The following L2HGDH variants were observed in gnomAD, a reference collection of about 807,000 sequenced individuals.
L2HGDH encodes the protein L-2-hydroxyglutarate dehydrogenase, also known as L-2-hydroxyglutarate dehydrogenase, mitochondrial.
In L2HGDH, 34 loss-of-function variants were observed where a neutral mutation model predicts 51.5. That is an observed-to-expected ratio of 0.66 (90% CI 0.50 to 0.88). The LOEUF is 0.88. Among genes scored for constraint, L2HGDH ranks in the 40% least tolerant of loss-of-function variants. The pLI, the probability that L2HGDH is intolerant of heterozygous loss-of-function variation, is 0.00. For synonymous variants in L2HGDH, 198 were observed against 197.9 expected, an observed-to-expected ratio of 1.00 and a Z score of -0.01; for missense variants, 558 against 571.9, an observed-to-expected ratio of 0.98 and a Z score of 0.25.
At chr14:50,308,901 G>A (rs1457429054) in intron 1 of L2HGDH, among the ~76,000 whole-genome samples, 2 of 152,176 alleles carry the variant, frequency 1.3e-5, no homozygotes, top group East Asian at 1.9e-4. Context: ...AAATTGTGAT[G>A]TATCCATACC....
At chr14:50,257,536 A>G (rs1024287076) in intron 9 of L2HGDH, among the ~76,000 whole-genome samples, 7 of 151,914 alleles carry the variant, frequency 4.6e-5, no homozygotes, top group Admixed American at 6.6e-5. Context: ...TACCTGGTTA[A>G]TTTTTAAAAC....
intron 3 of L2HGDH, among the ~76,000 whole-genome samples, chr14:50,301,173 T>C (rs891047254): frequency 6.6e-6 from 1 of 152,040 alleles, no homozygotes; most frequent in Non-Finnish European, 1.5e-5. Context: ...CAAACCAAAA[T>C]AGATGTTGGC....
intron 6 of L2HGDH, among the ~76,000 whole-genome samples, chr14:50,275,085 T>A (rs778976392): frequency 6.6e-6 from 1 of 152,160 alleles, no homozygotes; most frequent in African/African-American, 2.4e-5. Flanking sequence ...TAATACTGTA[T>A]GGTATACTTG....
chr14:50,269,283 G>A lies in L2HGDH; in HGVS notation c.786C>T (p.Tyr262=). The A allele has an allele frequency of 1.9e-6, 3 of 1,614,070 alleles. No homozygotes were observed. The highest frequency in any genetic ancestry group is 2.5e-6 in the Non-Finnish European group (3 of 1,179,986). Residue 262 remains tyrosine, a synonymous_variant, in exon 7 of 10, where the codon TAC becomes TAT. Coordinates refer to ENST00000267436, the MANE Select transcript of L2HGDH (RefSeq NM_024884.3). ...CACTCAACTCTGAAATACGGTCTGA[G>A]TAAAGTCCTGCACATGTCACAACAT... ...CQYVVTCAGL[Y]SDRISELSGC... is the part of the protein sequence containing the mutation.
intron 3 of L2HGDH, among the ~76,000 whole-genome samples, chr14:50,295,667 C>T (rs1268525058): frequency 6.7e-6 from 1 of 150,214 alleles, no homozygotes; most frequent in East Asian, 1.9e-4. Flanking sequence ...AGCAATCTAC[C>T]CACCTCGGCC....
chr14:50,294,134 T>G lies in L2HGDH; in HGVS notation c.521A>C (p.Lys174Thr). Residue 174 changes from lysine to threonine, a missense_variant, in exon 4 of 10, where the codon AAG (lysine) becomes ACG (threonine). By Grantham distance (78) the Lys-to-Thr change is moderately conservative. Transcript: ENST00000267436. The stretch of plus-strand genomic sequence containing the variant: ...ACTTACCCTACAATATGGCTCCTTC[T>G]TTTTTATATCCTCCTGCTGGATCAG... Reference protein sequence around the residue: ...LRLIQQEDIKKKEPYCRGLMA... With the variant: ...LRLIQQEDIKTKEPYCRGLMA... The G allele has an allele frequency of 6.2e-7, 1 of 1,613,966 alleles. No individual in the cohort carries two copies. Among genetic ancestry groups the G allele is most frequent in the Non-Finnish European group, 8.5e-7 (1 of 1,179,884 alleles).
At chr14:50,293,248 G>A (rs1169788718) in intron 4 of L2HGDH, 4 of 702,188 alleles carry the variant, frequency 5.7e-6, no homozygotes, top group East Asian at 2.7e-5. Flanking sequence ...GGAAAATAAT[G>A]GTTTTTTGAT....
chr14:50,288,526 G>A (rs1410303066), intron 4 of L2HGDH, among the ~76,000 whole-genome samples: 1 of 152,136 alleles, frequency 6.6e-6, no homozygotes, highest in Non-Finnish European at 1.5e-5. Flanking sequence ...TGCCTCCCTG[G>A]TTCAAGCGAT....
intron 3 of L2HGDH, among the ~76,000 whole-genome samples, chr14:50,298,561 G>A (rs1389745944): frequency 1.3e-5 from 2 of 152,044 alleles, no homozygotes; most frequent in Non-Finnish European, 1.5e-5. Flanking sequence ...GTGATCCCCC[G>A]CCTCAGCCTC....
In L2HGDH at chr14:50,312,091, G is replaced by A. The variant is rs1210324318; in HGVS notation, c.60C>T (p.Ala20=). The A allele has an allele frequency of 1.2e-6, 2 of 1,607,144 alleles. No individual in the cohort carries two copies. The highest frequency in any genetic ancestry group is 1.7e-6 in the Non-Finnish European group (2 of 1,177,774). ...ACCCGCACGCCCCAGGGGAGCCACCGGCGAAAAGCCCGCGGGCCCGTCCGC... is the reference window on the plus strand; with the variant it reads ...ACCCGCACGCCCCAGGGGAGCCACCAGCGAAAAGCCCGCGGGCCCGTCCGC... ...GACGRARGLF[A]GGSPGACGFA... The change falls in exon 1 of 10, where the codon GCC becomes GCT. Residue 20 remains alanine, a synonymous_variant. Transcript: ENST00000267436.
At chr14:50,266,431 C>A (rs1269210196) in intron 8 of L2HGDH, among the ~76,000 whole-genome samples, 2 of 152,042 alleles carry the variant, frequency 1.3e-5, no homozygotes, top group Non-Finnish European at 2.9e-5. Context: ...TTGCTTGAGC[C>A]CAGGAGTTCG....
At chr14:50,249,330 CA>C (rs1455422465) in intron 9 of L2HGDH, among the ~76,000 whole-genome samples, 1 of 152,172 alleles carries the variant, frequency 6.6e-6, no homozygotes, top group Non-Finnish European at 1.5e-5. Flanking sequence ...TACCAGCCGG[CA>C]TAGCTAAAAG....
Position 50,242,939 on chromosome 14 carries a change from A to G in L2HGDH, c.*4119T>C. 3.0e-6 allele frequency: 3 copies of G among 985,490 alleles called. No homozygotes were observed. The highest frequency in any genetic ancestry group is 3.6e-6 in the Non-Finnish European group (3 of 829,958). 61.0% of individuals were successfully genotyped at this position (985,490 alleles called of 1,614,324 possible). ...GTGTTTACAGGGATAGCTCATAGGT[A>G]CAGCCATCAGGGTTGGATTGCCTCC... is the stretch of plus-strand genomic sequence containing the variant. On this transcript the variant is annotated 3_prime_UTR_variant, in exon 10 of 10. Transcript: ENST00000267436.
At chr14:50,250,250 G>GGC (rs1888269434) in intron 9 of L2HGDH, among the ~76,000 whole-genome samples, 1 of 152,206 alleles carries the variant, frequency 6.6e-6, no homozygotes, top group Non-Finnish European at 1.5e-5. Context: ...TGGGCCAGAG[G>GGC]GGAGCCCACT....
rs571218328 is a variant in L2HGDH, at chr14:50,289,423, TAC to T, written c.540+4690_540+4691del. 2.9e-3 allele frequency among the ~76,000 whole-genome samples: 435 copies of T among 152,324 alleles called. 1 individual carries two copies. The highest frequency in any genetic ancestry group is 7.8e-3 in the African/African-American group (323 of 41,578). ...GTAATCTATTATCCTGTTTCTTATC[TAC>T]ACAGTGCGTTACAAAACCATTGAGT... On this transcript the variant is annotated intron_variant, in intron 4 of 9. Coordinates refer to ENST00000267436, the MANE Select transcript of L2HGDH (RefSeq NM_024884.3).
intron 3 of L2HGDH, among the ~76,000 whole-genome samples, chr14:50,296,467 T>C (rs1322383368): frequency 2.0e-5 from 3 of 147,978 alleles, no homozygotes; most frequent in East Asian, 2.0e-4. Context: ...TATGAACAAC[T>C]GTATGGCAAC....
intron 3 of L2HGDH, among the ~76,000 whole-genome samples, chr14:50,299,133 A>C (rs968678157): frequency 2.6e-5 from 4 of 152,188 alleles, no homozygotes; most frequent in African/African-American, 9.6e-5. Context: ...GAGATGAAAA[A>C]AGAGACATTA....
rs142519541 is a variant in L2HGDH, at chr14:50,296,651, T to TA, written c.409-2406dup. On this transcript the variant is annotated intron_variant, in intron 3 of 9. Transcript: ENST00000267436. Reference sequence around the variant, plus strand: ...TTTATTCATGAATGCTACCAGATGTTAAAAAAAAAAGTAATACTAATTCTT... The same window carrying TA: ...TTTATTCATGAATGCTACCAGATGTTAAAAAAAAAAAGTAATACTAATTCTT... Among the ~76,000 whole-genome samples the TA allele has an allele frequency of 7.8e-3, 1,106 of 141,054 alleles. 3 individuals carry two copies. The highest frequency in any genetic ancestry group is 0.013 in the Non-Finnish European group (818 of 64,666). 92.5% of individuals were successfully genotyped at this position (141,054 alleles called of 152,430 possible). A position where few individuals can be genotyped will look rare whatever the true frequency, so the allele number is the denominator to read the frequency against.
At chr14:50,260,838 G>A (rs1261897140) in intron 9 of L2HGDH, among the ~76,000 whole-genome samples, 1 of 152,054 alleles carries the variant, frequency 6.6e-6, no homozygotes, top group African/African-American at 2.4e-5. Context: ...TACAATGGCT[G>A]GGCACGGTAG....
Sources: gnomAD v4.1 joint callset for allele counts (sites outside exome capture counted in the v4.1 genomes callset) on GRCh38, gnomAD v4.1.1 for gene constraint, MANE v1.5 for transcripts, NCBI Gene and HGNC (gene_info 2026-07-23, HGNC 2026-07-21) for gene names.